ACSL3: variants seen among roughly 807,000 people sequenced by gnomAD.
ACSL3 encodes the protein fatty acid CoA ligase Acsl3.
ACSL3 carries 34 observed loss-of-function variants against 84.7 expected under a neutral mutation model. The observed-to-expected ratio is 0.40, with a 90% CI of 0.31 to 0.53. The LOEUF is 0.53. ACSL3 is among the 20% of genes least tolerant of loss of function. The probability of loss-of-function intolerance (pLI) is 0.48; values close to 1 mark genes in which losing one functional copy is unlikely to be tolerated. For synonymous variants in ACSL3, 315 were observed against 299.4 expected, an observed-to-expected ratio of 1.05 and a Z score of -0.54; for missense variants, 680 against 873.1, an observed-to-expected ratio of 0.78 and a Z score of 2.79.
rs759785280 is a variant in ACSL3 at position 222,908,979 on chromosome 2, A to C, written c.207A>C (p.Arg69Ser). ...ATTCAAAACCTGATTCTGCATACAG[A>C]TCTGTTAATAGTTTGGATGGTTTGG... ...PVNSKPDSAY[R>S]SVNSLDGLAS... is the part of the protein sequence containing the mutation. Residue 69 changes from arginine to serine, a missense_variant, in exon 4 of 17, where the codon AGA becomes AGC. Arg to Ser is a moderately radical substitution (Grantham distance 110, BLOSUM62 -1). Coordinates refer to ENST00000357430, the MANE Select transcript of ACSL3 (RefSeq NM_004457.5). 1 of 1,613,776 alleles carries C rather than the reference A, an allele frequency of 6.2e-7. No homozygotes were observed. Among genetic ancestry groups the C allele is most frequent in the South Asian group, 1.1e-5 (1 of 90,976 alleles).
At chr2:222,881,312 G>A (rs1695586878) in intron 1 of ACSL3, among the ~76,000 whole-genome samples, 1 of 152,212 alleles carries the variant, frequency 6.6e-6, no homozygotes, top group Non-Finnish European at 1.5e-5. Flanking sequence ...GGCACTTGCG[G>A]TTACCGCATT....
intron 3 of ACSL3, among the ~76,000 whole-genome samples, chr2:222,906,250 G>A (rs140868319): frequency 8.9e-4 from 135 of 152,284 alleles, no homozygotes; most frequent in African/African-American, 2.6e-3. Flanking sequence ...ACTTGGGCAC[G>A]CACATAGTCA....
At chr2:222,940,988 A>G (rs1697291151) in intron 16 of ACSL3, among the ~76,000 whole-genome samples, 1 of 151,950 alleles carries the variant, frequency 6.6e-6, no homozygotes, top group Non-Finnish European at 1.5e-5. Flanking sequence ...GCATCTTCAG[A>G]TCTCCTGGGC....
chr2:222,934,810 A>G, intron 16 of ACSL3, 123 bp downstream of exon 16: 3 of 1,037,064 alleles, frequency 2.9e-6, no homozygotes, highest in East Asian at 2.9e-5. Flanking sequence ...TACCGTTAGT[A>G]TATGGAAGAG....
At chr2:222,922,415 G>A (rs1030983089) in intron 8 of ACSL3, among the ~76,000 whole-genome samples, 1 of 152,170 alleles carries the variant, frequency 6.6e-6, no homozygotes, top group Non-Finnish European at 1.5e-5. Context: ...CTTCAGCAAC[G>A]CTTATAATTC....
At chr2:222,928,678 A>G (rs974139142) in intron 12 of ACSL3, among the ~76,000 whole-genome samples, 184 bp from the exon 13 acceptor site, 4 of 151,554 alleles carry the variant, frequency 2.6e-5, no homozygotes, top group African/African-American at 4.8e-5. Flanking sequence ...ACCTCAATGT[A>G]GGCCAAAAAA....
At chr2:222,872,119 CAATT>C (rs576632065) in intron 1 of ACSL3, among the ~76,000 whole-genome samples, 115 of 152,064 alleles carry the variant, frequency 7.6e-4, no homozygotes, top group Non-Finnish European at 8.8e-4. Flanking sequence ...AGTACTAAGA[CAATT>C]AATTTTTTGT....
chr2:222,911,268 C>A (rs4674722), intron 4 of ACSL3, among the ~76,000 whole-genome samples: 3 of 151,798 alleles, frequency 2.0e-5, no homozygotes, highest in Non-Finnish European at 2.9e-5. Flanking sequence ...AGGCTGGTCT[C>A]GAACTCCCAG....
intron 16 of ACSL3, among the ~76,000 whole-genome samples, chr2:222,940,636 T>C (rs1277057871): frequency 1.3e-5 from 2 of 152,214 alleles, no homozygotes; most frequent in African/African-American, 4.8e-5. Context: ...AATACACAAA[T>C]ACTTAACTAT....
In ACSL3 at chr2:222,943,084, TC is replaced by T. The variant is rs1215644109; in HGVS notation, c.*1431del. Reference sequence around the variant, plus strand: ...TACTGTAGGCATCAAAAGGCAAAAATCAAAAAAAAAAAAAACAAAAACAAAA... The same window carrying T: ...TACTGTAGGCATCAAAAGGCAAAAATAAAAAAAAAAAAAACAAAAACAAAA... On this transcript the variant is annotated 3_prime_UTR_variant, in exon 17 of 17. Coordinates refer to ENST00000357430, the MANE Select transcript of ACSL3 (RefSeq NM_004457.5). 212 of 77,160 alleles carry T rather than the reference TC, an allele frequency of 2.7e-3. 1 individual carries two copies. The highest frequency in any genetic ancestry group is 0.015 in the African/African-American group (115 of 7,510). The allele number at this position is 77,160 out of a possible 1,614,324, so 4.8% of individuals were successfully genotyped here.
At chr2:222,872,946 G>C (rs1313582875) in intron 1 of ACSL3, among the ~76,000 whole-genome samples, 1 of 152,042 alleles carries the variant, frequency 6.6e-6, no homozygotes. Flanking sequence ...AAATAAATGG[G>C]CCACAGCATG....
intron 1 of ACSL3, among the ~76,000 whole-genome samples, chr2:222,869,998 T>C (rs1463268562): frequency 6.6e-6 from 1 of 152,152 alleles, no homozygotes; most frequent in Non-Finnish European, 1.5e-5. Flanking sequence ...GGCTCTGAGT[T>C]GTTGCAGGAG....
chr2:222,866,753 G>GC (rs1237425837), intron 1 of ACSL3, among the ~76,000 whole-genome samples: 2 of 18,714 alleles, frequency 1.1e-4, no homozygotes, highest in Non-Finnish European at 1.3e-4. Context: ...TGCCCCCCCC[G>GC]CCCCCCCCCC....
chr2:222,925,107 C>T (rs971272329), intron 11 of ACSL3, among the ~76,000 whole-genome samples: 30 of 151,694 alleles, frequency 2.0e-4, no homozygotes, highest in Non-Finnish European at 3.8e-4. Flanking sequence ...GAGGCCAAGG[C>T]GGGCAGATCA....
At chr2:222,938,268 C>T (rs1238139042) in intron 16 of ACSL3, among the ~76,000 whole-genome samples, 1 of 151,978 alleles carries the variant, frequency 6.6e-6, no homozygotes, top group Admixed American at 6.6e-5. Context: ...ATTGTAGTTT[C>T]TTATGGTTTT....
At chr2:222,877,863 G>A (rs1695489854) in intron 1 of ACSL3, among the ~76,000 whole-genome samples, 1 of 152,146 alleles carries the variant, frequency 6.6e-6, no homozygotes, top group Admixed American at 6.5e-5. Flanking sequence ...CCAGAGTACA[G>A]GCATGTTAAT....
At chr2:222,935,131 A>G (rs1233881364) in intron 16 of ACSL3, among the ~76,000 whole-genome samples, 3 of 152,192 alleles carry the variant, frequency 2.0e-5, no homozygotes, top group Non-Finnish European at 4.4e-5. Context: ...TTGGTCTAAT[A>G]AAAACATCTG....
In ACSL3 at chr2:222,912,201, G is replaced by T. The variant is rs773077277; in HGVS notation, c.378+3051G>T. On this transcript the variant is annotated intron_variant, in intron 4 of 16. Transcript: ENST00000357430. ...ACTCAAGAAGAAAGTGTGCAGTGTC[G>T]CTGGTTAGCTGAGGCTTTAGTTTCT... Among the ~76,000 whole-genome samples the T allele has an allele frequency of 3.3e-5, 5 of 152,218 alleles. No homozygotes were observed. In the East Asian group the frequency reaches 7.7e-4, roughly 23 times the overall value.
At chr2:222,863,865 A>G (rs1695072787) in intron 1 of ACSL3, among the ~76,000 whole-genome samples, 1 of 152,220 alleles carries the variant, frequency 6.6e-6, no homozygotes, top group South Asian at 2.1e-4. Context: ...ATCTGCATGC[A>G]AAACACCGTC....
Sources: allele counts gnomAD v4.1 joint callset (sites outside exome capture counted in the v4.1 genomes callset), GRCh38; gene constraint gnomAD v4.1.1; transcripts MANE v1.5; gene names NCBI Gene and HGNC (gene_info 2026-07-23, HGNC 2026-07-21).